KIF1C: variants seen among roughly 807,000 people sequenced by gnomAD.
KIF1C encodes kinesin family member 1C, also known as kinesin-like protein KIF1C.
KIF1C carries 61 observed loss-of-function variants against 126.5 expected under a neutral mutation model. That is an observed-to-expected ratio of 0.48 (90% confidence interval 0.39 to 0.60). The LOEUF is 0.60. Among genes scored for constraint, KIF1C ranks in the 20% least tolerant of loss-of-function variants. The pLI is 0.00. For synonymous variants in KIF1C, 640 were observed against 580.6 expected, an observed-to-expected ratio of 1.10 and a Z score of -1.47; for missense variants, 1,315 against 1,489.2, an observed-to-expected ratio of 0.88 and a Z score of 1.93.
rs1348099126 is a variant in KIF1C, at chr17:5,028,275, G to T, written c.*4124G>T. The T allele has an allele frequency of 2.0e-5, 3 of 151,870 alleles. No individual in the cohort carries two copies. Among genetic ancestry groups the T allele is most frequent in the African/African-American group, 7.3e-5 (3 of 41,326 alleles). 9.4% of individuals were successfully genotyped at this position (151,870 alleles called of 1,614,324 possible). ...TCTTTGGAGCTGCTTTCCTTTTGTT[G>T]GTTACTATTTTATTTTTAGCTTCTC... is the stretch of plus-strand genomic sequence containing the variant. On this transcript the variant is annotated 3_prime_UTR_variant, in exon 23 of 23. Transcript: ENST00000320785.
intron 3 of KIF1C, 111 bp downstream of exon 3, chr17:5,000,463 A>AGGTC: frequency 1.3e-6 from 1 of 784,270 alleles, no homozygotes; most frequent in Non-Finnish European, 2.1e-6. Context: ...GGCACAGAGC[A>AGGTC]GGTGCTAGTC....
rs577711737 is a variant in KIF1C at position 5,024,295 on chromosome 17, G to A, written c.*144G>A. 1.6e-5 allele frequency: 10 copies of A among 606,632 alleles called. No individual in the cohort carries two copies. The allele number at this position is 606,632 out of a possible 1,614,324, so 37.6% of individuals were successfully genotyped here. A position where few individuals can be genotyped will look rare whatever the true frequency, so the allele number is the denominator to read the frequency against. ...TCCGAGTAGGTGATAGAAGACAAGG[G>A]GGAGACCGAGCCGGAGGCTGAGGAA... On this transcript the variant is annotated 3_prime_UTR_variant, in exon 23 of 23. Transcript: ENST00000320785.
chr17:5,011,132 C>G (rs1017368635), intron 16 of KIF1C, among the ~76,000 whole-genome samples: 10 of 152,124 alleles, frequency 6.6e-5, no homozygotes, highest in African/African-American at 2.4e-4. Flanking sequence ...TTACATTTTT[C>G]TCAAGGTGGT....
intron 4 of KIF1C, among the ~76,000 whole-genome samples, 178 bp downstream of exon 4, chr17:5,001,026 G>A (rs368032276): frequency 7.2e-5 from 11 of 152,164 alleles, no homozygotes; most frequent in Admixed American, 3.9e-4. Flanking sequence ...ACAGGAAGGC[G>A]GAATCCCTTG....
At chr17:5,007,622 T>A in intron 16 of KIF1C, 80 bp downstream of exon 16, 2 of 1,210,084 alleles carry the variant, frequency 1.7e-6, no homozygotes, top group Non-Finnish European at 2.3e-6. Context: ...GGGTAGTGAG[T>A]GCTGTCCCTG....
chr17:5,025,256 G>C lies in KIF1C; in HGVS notation c.*1105G>C, dbSNP rs1439201058. The C allele has an allele frequency of 6.6e-6, 1 of 152,302 alleles. No homozygotes were observed. The highest frequency in any genetic ancestry group is 1.5e-5 in the Non-Finnish European group (1 of 68,138). 9.4% of individuals were successfully genotyped at this position (152,302 alleles called of 1,614,324 possible). A position where few individuals can be genotyped will look rare whatever the true frequency, so the allele number is the denominator to read the frequency against. On this transcript the variant is annotated 3_prime_UTR_variant, in exon 23 of 23. Transcript: ENST00000320785. ...TCTGTTATGGACAAAGCACAGAAGC[G>C]GGGATGCGAGGGGAGGTAGAGGGAC...
At chr17:5,006,694 C>T (rs1974741682) in intron 13 of KIF1C, among the ~76,000 whole-genome samples, 1 of 152,112 alleles carries the variant, frequency 6.6e-6, no homozygotes, top group Non-Finnish European at 1.5e-5. Context: ...CTGGCCGCCT[C>T]CTTCAGTAAT....
chr17:4,998,626 C>T (rs775125837), intron 1 of KIF1C, among the ~76,000 whole-genome samples: 5 of 152,254 alleles, frequency 3.3e-5, no homozygotes, highest in Non-Finnish European at 7.3e-5. Context: ...CTTCCCTCCC[C>T]TGGTCAGGGT....
At chr17:5,012,369 G>A (rs1269301217) in intron 16 of KIF1C, among the ~76,000 whole-genome samples, 1 of 152,126 alleles carries the variant, frequency 6.6e-6, no homozygotes, top group Non-Finnish European at 1.5e-5. Context: ...TGGCAGGTGG[G>A]GGCGGGGCGG....
rs1975225949 is a variant in KIF1C, at chr17:5,027,325, TCA to T, written c.*3176_*3177del. On this transcript the variant is annotated 3_prime_UTR_variant, in exon 23 of 23. Transcript: ENST00000320785. Reference sequence around the variant, plus strand: ...TTGTATCTTTAGTAGAGACAGGGTTTCACTATGTTGTCCAAGCTGGTTTCGAA... The same window carrying T: ...TTGTATCTTTAGTAGAGACAGGGTTTCTATGTTGTCCAAGCTGGTTTCGAA... The T allele has an allele frequency of 6.6e-6, 1 of 152,224 alleles. No individual in the cohort carries two copies. The highest frequency in any genetic ancestry group is 1.5e-5 in the Non-Finnish European group (1 of 68,048). The allele number at this position is 152,224 out of a possible 1,614,324, so 9.4% of individuals were successfully genotyped here.
In KIF1C at chr17:5,019,984, C is replaced by G. The variant is rs757340909; in HGVS notation, c.1667-12C>G. On this transcript the variant is annotated splice_polypyrimidine_tract_variant and intron_variant, in intron 18 of 22. Coordinates refer to ENST00000320785, the MANE Select transcript of KIF1C (RefSeq NM_006612.6). Reference sequence around the variant, plus strand: ...GGTCTAATCTTTCCCCTTCCTCTGCCCCTCCATTCAGTGGTGGTCACTCTG... The same window carrying G: ...GGTCTAATCTTTCCCCTTCCTCTGCGCCTCCATTCAGTGGTGGTCACTCTG... The G allele has an allele frequency of 1.3e-6, 2 of 1,592,790 alleles. No individual in the cohort carries two copies. The highest frequency in any genetic ancestry group is 1.7e-6 in the Non-Finnish European group (2 of 1,168,148).
intron 8 of KIF1C, 131 bp downstream of exon 8, chr17:5,002,973 A>C: frequency 1.6e-6 from 1 of 642,246 alleles, no homozygotes; most frequent in Non-Finnish European, 2.7e-6. Context: ...GACTACCATG[A>C]CCGCGCCCCA....
Position 5,007,246 on chromosome 17 carries a change from C to G in KIF1C, c.1336-17C>G. 6.2e-7 allele frequency: 1 copy of G among 1,600,854 alleles called. No individual in the cohort carries two copies. Among genetic ancestry groups the G allele is most frequent in the South Asian group, 1.1e-5 (1 of 89,666 alleles). The stretch of plus-strand genomic sequence containing the variant: ...TGTCCCAGACCATCCTGAAACCTAC[C>G]CACCTTACGCCCCCAGGAGACAGAG... On this transcript the variant is annotated splice_polypyrimidine_tract_variant and intron_variant, in intron 14 of 22. Coordinates refer to ENST00000320785, the MANE Select transcript of KIF1C (RefSeq NM_006612.6).
rs765376957 is a variant in KIF1C, at chr17:5,023,615, C to T, written c.2776C>T (p.Arg926Trp). The change falls in exon 23 of 23, where the codon CGG (arginine) becomes TGG (tryptophan). Residue 926 changes from arginine (R) to tryptophan (W), a missense_variant. Physicochemically the swap from Arg to Trp is moderately radical, Grantham distance 101. Around this residue, in one of 2 missense-constraint regions of KIF1C, gnomAD observed 441 missense variants for 436.1 expected, o/e 1.01. Coordinates refer to ENST00000320785, the MANE Select transcript of KIF1C (RefSeq NM_006612.6). This position sits in a 1 kb window ranked among gnomAD's most constrained non-coding sequence, Gnocchi z 4.2. ...ACTGTCAAGCTGGGAGCGGGTGTCA[C>T]GGCTCATGGAGGAGGACCCTGCCTT... ...PPLSSWERVS[R>W]LMEEDPAFRR... The T allele has an allele frequency of 6.8e-6, 11 of 1,613,652 alleles. No homozygotes were observed. Among genetic ancestry groups the T allele is most frequent in the East Asian group, 4.5e-5 (2 of 44,850 alleles).
At chr17:5,002,865 T>TC in intron 8 of KIF1C, 23 bp downstream of exon 8, 1 of 1,096,684 alleles carries the variant, frequency 9.1e-7, no homozygotes. Context: ...CCCCCCCCAC[T>TC]CCCCCACCGG....
At chr17:5,019,329 T>C (rs200837596) in intron 18 of KIF1C, 82 of 167,940 alleles carry the variant, frequency 4.9e-4, no homozygotes, top group Middle Eastern at 3.4e-3. Context: ...TCAGCATCCC[T>C]GGCTAAGGAG....
At chr17:5,002,033 C>T (rs1230385020) in intron 5 of KIF1C, 26 bp from the exon 6 acceptor site, 1 of 1,610,408 alleles carries the variant, frequency 6.2e-7, no homozygotes, top group Non-Finnish European at 8.5e-7. Flanking sequence ...AGGAGCTTCT[C>T]TGTATTTCCC....
In KIF1C at chr17:5,012,450, G is replaced by T. The variant is rs188760273; in HGVS notation, c.1492-1203G>T. 8.9e-4 allele frequency among the ~76,000 whole-genome samples: 135 copies of T among 152,232 alleles called. 2 individuals carry two copies. The highest frequency in any genetic ancestry group is 3.1e-3 in the African/African-American group (128 of 41,530). ...GCCTACTTTGGAGGGAGTGCTCAGG[G>T]GTCCGCTGAGTGGAAGTACAGAGTC... On this transcript the variant is annotated intron_variant, in intron 16 of 22. Coordinates refer to ENST00000320785, the MANE Select transcript of KIF1C (RefSeq NM_006612.6).
At chr17:5,003,737 T>C (rs1355008382) in intron 9 of KIF1C, 48 bp downstream of exon 9, 16 of 1,579,102 alleles carry the variant, frequency 1.0e-5, no homozygotes, top group Non-Finnish European at 1.4e-5. Context: ...TGTTGTGGGC[T>C]GTATGTGGAG....
Sources: gnomAD v4.1 joint callset for allele counts (sites outside exome capture counted in the v4.1 genomes callset) on GRCh38, gnomAD v4.1.1 for gene constraint, gnomAD v4.1.1 regional missense constraint, Gnocchi (gnomAD v3.1) non-coding constraint, MANE v1.5 for transcripts, NCBI Gene and HGNC (gene_info 2026-07-23, HGNC 2026-07-21) for gene names.